XKR6: variants seen among roughly 807,000 people sequenced by gnomAD.
XKR6 encodes the protein XK related 6.
A neutral mutation model predicts 56.7 loss-of-function variants in XKR6; 22 were observed. That is an observed-to-expected ratio of 0.39 (90% CI 0.28 to 0.55). The LOEUF is 0.55. Ranked by LOEUF, XKR6 falls within the 20% of genes least tolerant of loss-of-function variation. The pLI, the probability that XKR6 is intolerant of heterozygous loss-of-function variation, is 0.66. For synonymous variants in XKR6, 524 were observed against 387.8 expected (o/e 1.35, Z -4.13); for missense variants, 852 against 889.0 (o/e 0.96, Z 0.53).
intron 1 of XKR6, among the ~76,000 whole-genome samples, chr8:11,153,109 G>A (rs546211268): frequency 1.3e-4 from 20 of 152,118 alleles, no homozygotes; most frequent in Non-Finnish European, 2.9e-4. Flanking sequence ...TATTATAGGT[G>A]CCAACATTCA....
intron 1 of XKR6, among the ~76,000 whole-genome samples, chr8:10,953,978 G>T (rs1801803470): frequency 6.6e-6 from 1 of 152,190 alleles, no homozygotes; most frequent in Non-Finnish European, 1.5e-5. Flanking sequence ...CCACAGTGTA[G>T]CATGCATCAG....
intron 1 of XKR6, chr8:11,108,835 A>C (rs1282502983): frequency 6.4e-6 from 1 of 155,228 alleles, no homozygotes; most frequent in Non-Finnish European, 1.4e-5. Context: ...CCCTACACCC[A>C]CAGAAACCAC....
chr8:11,052,762 C>G (rs1187408474), intron 1 of XKR6, among the ~76,000 whole-genome samples: 2 of 150,098 alleles, frequency 1.3e-5, no homozygotes. Flanking sequence ...CGGGAGTGAG[C>G]CCAGAGCAGC....
chr8:11,161,147 A>G (rs1183389543), intron 1 of XKR6, among the ~76,000 whole-genome samples: 1 of 152,208 alleles, frequency 6.6e-6, no homozygotes, highest in Non-Finnish European at 1.5e-5. Context: ...TAGGCAGAGT[A>G]CCTGGTAGAA....
chr8:11,135,906 C>T (rs949390427), intron 1 of XKR6, among the ~76,000 whole-genome samples: 1 of 151,800 alleles, frequency 6.6e-6, no homozygotes, highest in Non-Finnish European at 1.5e-5. Flanking sequence ...TCCCAAAATG[C>T]AAAAACCACT....
chr8:10,954,681 T>C (rs1180857477), intron 1 of XKR6, among the ~76,000 whole-genome samples: 1 of 152,124 alleles, frequency 6.6e-6, no homozygotes, highest in Non-Finnish European at 1.5e-5. Context: ...TCTGTCCATG[T>C]TTTCTTTTGT....
chr8:10,952,231 C>T (rs916363257), intron 1 of XKR6, among the ~76,000 whole-genome samples: 1 of 152,062 alleles, frequency 6.6e-6, no homozygotes, highest in East Asian at 1.9e-4. Flanking sequence ...CCGTGACGTT[C>T]CCGCTCTGAA....
At chr8:11,125,963 T>A (rs1329097695) in intron 1 of XKR6, 1 of 152,276 alleles carries the variant, frequency 6.6e-6, no homozygotes, top group African/African-American at 2.4e-5. Context: ...ACAACAAACT[T>A]GATGGAAACT....
chr8:10,944,240 C>G (rs951942416), intron 1 of XKR6, among the ~76,000 whole-genome samples: 1 of 152,182 alleles, frequency 6.6e-6, no homozygotes, highest in Non-Finnish European at 1.5e-5. Flanking sequence ...AATACATGAA[C>G]TAGATGTTCC....
chr8:11,047,026 G>A (rs1799427136), intron 1 of XKR6, among the ~76,000 whole-genome samples: 1 of 152,130 alleles, frequency 6.6e-6, no homozygotes. Context: ...GTTGGTCAAA[G>A]GGCACAAAGT....
chr8:10,951,373 G>A (rs1489584381), intron 1 of XKR6, among the ~76,000 whole-genome samples: 1 of 152,084 alleles, frequency 6.6e-6, no homozygotes, highest in Admixed American at 6.5e-5. Flanking sequence ...CGACGCATGG[G>A]TAACAGCCAG....
intron 1 of XKR6, among the ~76,000 whole-genome samples, chr8:10,990,900 T>TTTC (rs1797976187): frequency 7.6e-6 from 1 of 130,960 alleles, no homozygotes; most frequent in African/African-American, 3.4e-5. Context: ...AATGTCTTTT[T>TTTC]TTTTTTTTTT....
At chr8:11,112,918 C>A (rs974142438) in intron 1 of XKR6, among the ~76,000 whole-genome samples, 2 of 152,092 alleles carry the variant, frequency 1.3e-5, no homozygotes, top group Non-Finnish European at 2.9e-5. Flanking sequence ...TGAGATTAAG[C>A]AGTAAGAAAA....
At chr8:10,924,405 T>A (rs557387034) in intron 2 of XKR6, among the ~76,000 whole-genome samples, 1 of 152,366 alleles carries the variant, frequency 6.6e-6, no homozygotes, top group African/African-American at 2.4e-5. Context: ...ATGGACGAAG[T>A]GGCCTGGAGG....
At chr8:11,033,049 G>A (rs1306404401) in intron 1 of XKR6, among the ~76,000 whole-genome samples, 1 of 152,012 alleles carries the variant, frequency 6.6e-6, no homozygotes, top group Non-Finnish European at 1.5e-5. Context: ...TGATGAAGAT[G>A]ATGATGATGG....
chr8:10,998,144 C>G (rs1798156792), intron 1 of XKR6, among the ~76,000 whole-genome samples: 2 of 152,090 alleles, frequency 1.3e-5, no homozygotes, highest in East Asian at 1.9e-4. Context: ...CTTCCCCCGC[C>G]AGAGAGCGTC....
At chr8:11,063,029 A>C in intron 1 of XKR6, 1 of 356,906 alleles carries the variant, frequency 2.8e-6, no homozygotes, top group Non-Finnish European at 5.5e-6. Flanking sequence ...GCCAGCCACA[A>C]ATTGGCATTT....
intron 1 of XKR6, among the ~76,000 whole-genome samples, chr8:11,036,925 G>GTTC (rs1799160122): frequency 6.6e-6 from 1 of 152,226 alleles, no homozygotes; most frequent in Admixed American, 6.5e-5. Context: ...GCTTGAGCTA[G>GTTC]AACCGCTCTG....
chr8:10,976,799 G>A (rs1802579293), intron 1 of XKR6, among the ~76,000 whole-genome samples: 1 of 151,820 alleles, frequency 6.6e-6, no homozygotes, highest in East Asian at 1.9e-4. Flanking sequence ...CTCTCTCAGA[G>A]CAGGCTACCT....
Sources: gnomAD v4.1 joint callset for allele counts (sites outside exome capture counted in the v4.1 genomes callset) on GRCh38, gnomAD v4.1.1 for gene constraint, MANE v1.5 for transcripts, NCBI Gene and HGNC (gene_info 2026-07-23, HGNC 2026-07-21) for gene names.